Variants in UGT1A8 observed in about 807,000 individuals in gnomAD.
The protein encoded by UGT1A8 is UDP glucuronosyltransferase family 1 member A8, also known as UDP-glucuronosyltransferase 1A8.
UGT1A8 carries 39 observed loss-of-function variants against 45.3 expected under a neutral mutation model. The ratio of observed to expected loss-of-function variants is 0.86; its 90% CI spans 0.67 to 1.12. The LOEUF (loss-of-function observed/expected upper bound fraction) is 1.12. Among genes scored for constraint, UGT1A8 ranks in the 50% most tolerant of loss-of-function variants. The probability of loss-of-function intolerance (pLI) is 0.00; values close to 1 mark genes in which losing one functional copy is unlikely to be tolerated. For missense variants in UGT1A8, 719 were observed against 664.9 expected, an observed-to-expected ratio of 1.08 and a Z score of -0.90; for synonymous variants, 275 against 249.2, an observed-to-expected ratio of 1.10 and a Z score of -0.97.
rs765033281 is a variant in UGT1A8, at chr2:233,618,399, C to T, written c.692C>T (p.Ala231Val). 5.6e-6 allele frequency: 9 copies of T among 1,613,754 alleles called. No individual in the cohort carries two copies. In the African/African-American group the frequency reaches 6.7e-5, roughly 12 times the overall value. ...QYFSKNALEI[A>V]SEILQTPVTA... Reference sequence around the variant, plus strand: ...TTTTCCAAAAATGCCCTAGAAATAGCCTCTGAAATTCTCCAAACACCTGTC... The same window carrying T: ...TTTTCCAAAAATGCCCTAGAAATAGTCTCTGAAATTCTCCAAACACCTGTC... Residue 231 changes from alanine (A) to valine (V), a missense_variant, in exon 1 of 5, where the codon GCC becomes GTC. Coordinates refer to ENST00000373450, the MANE Select transcript of UGT1A8 (RefSeq NM_019076.5).
intron 1 of UGT1A8, among the ~76,000 whole-genome samples, chr2:233,623,951 T>C (rs1287988029): frequency 6.6e-6 from 1 of 152,158 alleles, no homozygotes; most frequent in African/African-American, 2.4e-5. Flanking sequence ...CCTGCAAATA[T>C]TTTCTCACAG....
chr2:233,617,950 C>A lies in UGT1A8; in HGVS notation c.243C>A (p.Tyr81Ter), dbSNP rs754587908. 12 of 1,614,200 alleles carry A rather than the reference C, an allele frequency of 7.4e-6. No individual in the cohort carries two copies. In the South Asian group the frequency reaches 1.2e-4, roughly 16 times the overall value. Reference protein sequence around the residue: ...NCTVKTYSTSYTLEDLDREFM... With the variant: ...NCTVKTYSTS The stretch of plus-strand genomic sequence containing the variant: ...CAGTGAAGACTTACTCAACCTCATA[C>A]ACTCTGGAGGATCTGGACCGGGAAT... Residue 81 changes from tyrosine to a stop codon, truncating the protein, a stop_gained, in exon 1 of 5, where the codon TAC becomes TAA. Transcript: ENST00000373450. LOFTEE classifies it high-confidence loss of function.
intron 1 of UGT1A8, among the ~76,000 whole-genome samples, chr2:233,627,271 C>G (rs1049269533): frequency 1.2e-4 from 18 of 152,002 alleles, no homozygotes; most frequent in African/African-American, 4.1e-4. Context: ...TTCATGGCAT[C>G]TGGGAACTCA....
At chr2:233,757,646 G>T (rs1696690182) in intron 1 of UGT1A8, among the ~76,000 whole-genome samples, 1 of 150,442 alleles carries the variant, frequency 6.6e-6, no homozygotes, top group South Asian at 2.1e-4. Context: ...ACAAAATGCT[G>T]TTTTTCTGGG....
In UGT1A8 at chr2:233,722,858, T is replaced by G. The variant is rs1254106570; in HGVS notation, c.856-44176T>G. On this transcript the variant is annotated intron_variant, in intron 1 of 4. Coordinates refer to ENST00000373450, the MANE Select transcript of UGT1A8 (RefSeq NM_019076.5). ...ATAAGAATGTTTCTTTTTTTTTTTT[T>G]TGAAGGAAAAAATAAATTTATTGCT... 1.4e-5 allele frequency among the ~76,000 whole-genome samples: 2 copies of G among 144,154 alleles called. 1 individual carries two copies. The highest frequency in any genetic ancestry group is 1.4e-4 in the Admixed American group (2 of 14,354). 94.6% of individuals were successfully genotyped at this position (144,154 alleles called of 152,430 possible).
intron 1 of UGT1A8, among the ~76,000 whole-genome samples, chr2:233,639,533 G>A (rs181266418): frequency 6.6e-6 from 1 of 152,338 alleles, no homozygotes; most frequent in Admixed American, 6.5e-5. Context: ...AGGATTCAGA[G>A]TCTGAGTCTC....
Position 233,713,355 on chromosome 2 carries a change from T to C in UGT1A8, c.856-53679T>C, listed in dbSNP as rs1432041906. 4 of 1,614,234 alleles carry C rather than the reference T, an allele frequency of 2.5e-6. No individual in the cohort carries two copies. In the East Asian group the frequency reaches 8.9e-5, roughly 36 times the overall value. On this transcript the variant is annotated intron_variant, in intron 1 of 4. Coordinates refer to ENST00000373450, the MANE Select transcript of UGT1A8 (RefSeq NM_019076.5). ...AATGGCAATTATGAACAATATGTCT[T>C]TGATCATACATAGGTCTTGTGTGGA...
chr2:233,631,982 T>G (rs1254892807), intron 1 of UGT1A8, among the ~76,000 whole-genome samples: 4 of 152,334 alleles, frequency 2.6e-5, no homozygotes, highest in African/African-American at 4.8e-5. Flanking sequence ...TATGTTTAAG[T>G]CTTTAATCCA....
At chr2:233,690,891 T>C in intron 1 of UGT1A8, 1 of 1,056,342 alleles carries the variant, frequency 9.5e-7, no homozygotes, top group Non-Finnish European at 1.1e-6. Context: ...ATTCAAGGGA[T>C]GGTATGCATA....
At chr2:233,636,936 GGA>G in intron 1 of UGT1A8, 1 of 1,614,098 alleles carries the variant, frequency 6.2e-7, no homozygotes, top group Non-Finnish European at 8.5e-7. Flanking sequence ...AATACTTAAA[GGA>G]GAGTTCTTTT....
rs1269170912 is a variant in UGT1A8 at position 233,716,767 on chromosome 2, C to G, written c.856-50267C>G. Among the ~76,000 whole-genome samples, 2 of 152,200 alleles carry G rather than the reference C, an allele frequency of 1.3e-5. 1 individual carries two copies. The highest frequency in any genetic ancestry group is 1.3e-4 in the Admixed American group (2 of 15,278). On this transcript the variant is annotated intron_variant, in intron 1 of 4. Coordinates refer to ENST00000373450, the MANE Select transcript of UGT1A8 (RefSeq NM_019076.5). ...ATTGGGAGAGGGGAGCTAGATCACT[C>G]AGGTCAGGCTTTCGGGATGCCTTTT...
chr2:233,660,520 A>G (rs1559328953), intron 1 of UGT1A8, among the ~76,000 whole-genome samples: 1 of 152,156 alleles, frequency 6.6e-6, no homozygotes, highest in Non-Finnish European at 1.5e-5. Flanking sequence ...GTTTGGAAAA[A>G]GTGTTTCTGT....
At position 233,681,767 on chromosome 2, in the gene UGT1A8, C is replaced by T. The variant is rs546728626; in HGVS notation, c.855+63205C>T. 229 of 897,050 alleles carry T rather than the reference C, an allele frequency of 2.6e-4. 1 individual carries two copies. In the African/African-American group the frequency reaches 3.8e-3, roughly 15 times the overall value. The allele number at this position is 897,050 out of a possible 1,614,324, so 55.6% of individuals were successfully genotyped here. A position where few individuals can be genotyped will look rare whatever the true frequency, so the allele number is the denominator to read the frequency against. ...ATATAAGCAGGTATCTCAGCAAAGGCTACTCATGTATTATTATGAGTAAAT... is the reference window on the plus strand; with the variant it reads ...ATATAAGCAGGTATCTCAGCAAAGGTTACTCATGTATTATTATGAGTAAAT... On this transcript the variant is annotated intron_variant, in intron 1 of 4. Transcript: ENST00000373450.
chr2:233,660,089 T>A (rs2073934768), intron 1 of UGT1A8, among the ~76,000 whole-genome samples: 1 of 152,230 alleles, frequency 6.6e-6, no homozygotes, highest in Non-Finnish European at 1.5e-5. Flanking sequence ...TGGCTCTGTT[T>A]TAAGTCCTGT....
At chr2:233,639,895 G>GA (rs1443800728) in intron 1 of UGT1A8, among the ~76,000 whole-genome samples, 1 of 152,160 alleles carries the variant, frequency 6.6e-6, no homozygotes, top group Non-Finnish European at 1.5e-5. Flanking sequence ...GCAGAACATT[G>GA]AAATAGTTTT....
At chr2:233,735,872 G>A (rs1314533195) in intron 1 of UGT1A8, among the ~76,000 whole-genome samples, 1 of 152,196 alleles carries the variant, frequency 6.6e-6, no homozygotes, top group African/African-American at 2.4e-5. Context: ...TTTCTGCAGA[G>A]AGATCTGCTG....
intron 1 of UGT1A8, among the ~76,000 whole-genome samples, chr2:233,629,831 A>G (rs1022209025): frequency 6.6e-6 from 1 of 152,162 alleles, no homozygotes; most frequent in African/African-American, 2.4e-5. Flanking sequence ...GGGGTTATGC[A>G]TTTATTCTTG....
At chr2:233,694,066 G>T (rs969432855) in intron 1 of UGT1A8, among the ~76,000 whole-genome samples, 2 of 152,190 alleles carry the variant, frequency 1.3e-5, no homozygotes, top group Non-Finnish European at 2.9e-5. Flanking sequence ...TGAAGACAGG[G>T]CTCATGCTTG....
chr2:233,724,330 C>CA (rs2077223829), intron 1 of UGT1A8, among the ~76,000 whole-genome samples: 2 of 121,986 alleles, frequency 1.6e-5, no homozygotes, highest in Admixed American at 8.1e-5. Flanking sequence ...GCTGGCCAGG[C>CA]GGGGGGCTGA....
Sources: allele counts gnomAD v4.1 joint callset (sites outside exome capture counted in the v4.1 genomes callset), GRCh38; gene constraint gnomAD v4.1.1; transcripts MANE v1.5; gene names NCBI Gene and HGNC (gene_info 2026-07-23, HGNC 2026-07-21).